Variants in TP63 observed in about 807,000 individuals in gnomAD.
TP63 encodes the protein tumor protein 63.
In TP63, 17 loss-of-function variants were observed where a neutral mutation model predicts 82.8. The observed-to-expected ratio is 0.21, with a 90% confidence interval of 0.14 to 0.31. TP63 has a LOEUF of 0.31. Ranked by LOEUF, TP63 falls within the 10% of genes least tolerant of loss-of-function variation. TP63 has a pLI of 1.00. For missense variants in TP63, 648 were observed against 895.3 expected (o/e 0.72, Z 3.52); for synonymous variants, 330 against 321.7 (o/e 1.03, Z -0.28).
chr3:189,879,418 G>A (rs925965012), intron 10 of TP63, among the ~76,000 whole-genome samples: 1 of 152,146 alleles, frequency 6.6e-6, no homozygotes, highest in Non-Finnish European at 1.5e-5. Context: ...TATAGGCCGA[G>A]TTTTTTACTC....
intron 1 of TP63, among the ~76,000 whole-genome samples, chr3:189,699,188 C>A (rs1277083091): frequency 6.6e-6 from 1 of 152,110 alleles, no homozygotes; most frequent in East Asian, 1.9e-4. Context: ...TTTTAACACT[C>A]ACAGTAACCC....
the TP63 span, among the ~76,000 whole-genome samples, chr3:189,615,193 G>A: frequency 2.0e-5 from 3 of 152,054 alleles, no homozygotes; most frequent in East Asian, 1.9e-4. Flanking sequence ...TGTAAGACTC[G>A]TGTGCCATCT....
chr3:189,719,166 G>C (rs117402523), intron 1 of TP63, among the ~76,000 whole-genome samples: 1,667 of 152,214 alleles, frequency 0.011, 24 homozygotes, highest in East Asian at 0.059. Flanking sequence ...ACAGAAAAAC[G>C]GTGTTCTCGG....
At chr3:189,747,757 G>T (rs1275163271) in intron 3 of TP63, among the ~76,000 whole-genome samples, 1 of 152,036 alleles carries the variant, frequency 6.6e-6, no homozygotes, top group South Asian at 2.1e-4. Context: ...ACAAAATATA[G>T]ACTAAAAAAA....
At chr3:189,653,023 A>G (rs546055964) in intron 1 of TP63, among the ~76,000 whole-genome samples, 3 of 121,584 alleles carry the variant, frequency 2.5e-5, no homozygotes, top group African/African-American at 1.0e-4. Flanking sequence ...ATAATGGACT[A>G]ATATAATCAG....
At chr3:189,752,252 C>T (rs537257405) in intron 3 of TP63, among the ~76,000 whole-genome samples, 3 of 152,140 alleles carry the variant, frequency 2.0e-5, no homozygotes, top group Non-Finnish European at 4.4e-5. Context: ...TGGCTCACTG[C>T]GGCCTCAACC....
At position 189,895,623 on chromosome 3, in the gene TP63, A is replaced by G. The variant is rs1721408760; in HGVS notation, c.*1121A>G. ...TGTTGAGTCTGTACTAAACAGTAAG[A>G]TATCTCAATGAACCATAAATTCAAC... is the stretch of plus-strand genomic sequence containing the variant. On this transcript the variant is annotated 3_prime_UTR_variant, in exon 14 of 14. Transcript: ENST00000264731. The G allele has an allele frequency of 4.4e-6, 1 of 225,756 alleles. No homozygotes were observed. The highest frequency in any genetic ancestry group is 5.7e-5 in the Admixed American group (1 of 17,556). 14.0% of individuals were successfully genotyped at this position (225,756 alleles called of 1,614,324 possible). A position where few individuals can be genotyped will look rare whatever the true frequency, so the allele number is the denominator to read the frequency against.
rs1515500 is a variant in TP63, at chr3:189,789,529, A to G, written c.325-18743A>G. On this transcript the variant is annotated intron_variant, in intron 3 of 13. Transcript: ENST00000264731. ...TAAGGAATTCTAACTACTTAATGAG[A>G]TGGGAGAGGCCTCACTCCATTGGAG... 9,125 of 430,722 alleles carry G rather than the reference A, an allele frequency of 0.021. 324 individuals are homozygous for G. The highest frequency in any genetic ancestry group is 0.1 in the African/African-American group (4,934 of 48,180). 26.7% of individuals were successfully genotyped at this position (430,722 alleles called of 1,614,324 possible). A position where few individuals can be genotyped will look rare whatever the true frequency, so the allele number is the denominator to read the frequency against.
intron 1 of TP63, among the ~76,000 whole-genome samples, chr3:189,671,453 T>C (rs1227974650): frequency 6.6e-6 from 1 of 152,036 alleles, no homozygotes; most frequent in Non-Finnish European, 1.5e-5. Flanking sequence ...GATAAATTAG[T>C]ACAGCCATTA....
At chr3:189,701,522 C>CATATATATATATATATAT (rs35031313) in intron 1 of TP63, among the ~76,000 whole-genome samples, 8 of 136,780 alleles carry the variant, frequency 5.8e-5, no homozygotes, top group African/African-American at 2.1e-4. Context: ...GATATATATA[C>CATATATATATATATATAT]ATATATATAT....
At chr3:189,863,164 G>T (rs1021486071) in intron 4 of TP63, among the ~76,000 whole-genome samples, 1 of 152,114 alleles carries the variant, frequency 6.6e-6, no homozygotes, top group Non-Finnish European at 1.5e-5. Context: ...GCCAACTTAC[G>T]ATTGCAACCT....
chr3:189,886,647 G>C, intron 11 of TP63, 96 bp downstream of exon 11: 1 of 1,541,750 alleles, frequency 6.5e-7, no homozygotes, highest in Admixed American at 1.7e-5. Context: ...AGCTAAATGA[G>C]AGACACAGTG....
At chr3:189,841,061 C>T (rs1254473567) in intron 4 of TP63, among the ~76,000 whole-genome samples, 3 of 151,820 alleles carry the variant, frequency 2.0e-5, no homozygotes, top group Non-Finnish European at 4.4e-5. Flanking sequence ...GATACTTTGT[C>T]CCCACCTTTT....
chr3:189,775,437 A>G (rs1723722517), intron 3 of TP63, among the ~76,000 whole-genome samples: 1 of 152,110 alleles, frequency 6.6e-6, no homozygotes, highest in Non-Finnish European at 1.5e-5. Flanking sequence ...TTTCAGTATA[A>G]GATGAAAACC....
At chr3:189,862,895 G>A (rs560928594) in intron 4 of TP63, among the ~76,000 whole-genome samples, 6 of 152,194 alleles carry the variant, frequency 3.9e-5, no homozygotes, top group Non-Finnish European at 5.9e-5. Flanking sequence ...GGACATGGAG[G>A]ACTGATTTTG....
chr3:189,754,277 C>T (rs1334711339), intron 3 of TP63, among the ~76,000 whole-genome samples: 1 of 152,112 alleles, frequency 6.6e-6, no homozygotes, highest in Admixed American at 6.6e-5. Flanking sequence ...ACCTCTCTTC[C>T]TTCTTTCCTC....
chr3:189,733,039 G>A (rs559428562), intron 1 of TP63, among the ~76,000 whole-genome samples: 1 of 152,138 alleles, frequency 6.6e-6, no homozygotes, highest in East Asian at 1.9e-4. Flanking sequence ...ATGCTGTCAC[G>A]TGCAAGGAAG....
At chr3:189,763,089 A>G (rs767570065) in intron 3 of TP63, among the ~76,000 whole-genome samples, 1 of 152,074 alleles carries the variant, frequency 6.6e-6, no homozygotes, top group Non-Finnish European at 1.5e-5. Context: ...AGGGTAACCT[A>G]GTGAGACCCC....
intron 3 of TP63, among the ~76,000 whole-genome samples, chr3:189,764,552 G>A (rs114314663): frequency 1.1e-3 from 160 of 152,270 alleles, no homozygotes; most frequent in African/African-American, 3.8e-3. Flanking sequence ...ACATAGGTTG[G>A]CTGACTGGGG....
Sources: gnomAD v4.1 joint callset for allele counts (sites outside exome capture counted in the v4.1 genomes callset) on GRCh38, gnomAD v4.1.1 for gene constraint, MANE v1.5 for transcripts, NCBI Gene and HGNC (gene_info 2026-07-23, HGNC 2026-07-21) for gene names.